Variants in MPDZ observed in about 807,000 individuals in gnomAD.
The protein encoded by MPDZ is multiple PDZ domain crumbs cell polarity complex component.
In MPDZ, 234 loss-of-function variants were observed where a neutral mutation model predicts 239.1. That is an observed-to-expected ratio of 0.98 (90% CI 0.88 to 1.09). The LOEUF is 1.09. MPDZ is among the 50% of genes least tolerant of loss of function. The pLI, the probability that MPDZ is intolerant of heterozygous loss-of-function variation, is 0.00. For synonymous variants in MPDZ, 1,048 were observed against 881.3 expected, an observed-to-expected ratio of 1.19 and a Z score of -3.35; for missense variants, 3,175 against 2,510.0, an observed-to-expected ratio of 1.26 and a Z score of -5.66.
At chr9:13,117,168 C>T (rs1335981261) in intron 39 of MPDZ, among the ~76,000 whole-genome samples, 1 of 152,132 alleles carries the variant, frequency 6.6e-6, no homozygotes, top group Non-Finnish European at 1.5e-5. Flanking sequence ...ATCTCTCTCT[C>T]CTTCTAAAAA....
In MPDZ at chr9:13,270,085, A is replaced by G. The variant is rs577378683; in HGVS notation, c.-58+9315T>C. On this transcript the variant is annotated intron_variant, in intron 1 of 46. Coordinates refer to ENST00000319217, the MANE Select transcript of MPDZ (RefSeq NM_001378778.1). ...CATTTTAAAAGGGCTTATTCTTTCA[A>G]TGAACGTGACTATTTGCTTCTTAAT... Among the ~76,000 whole-genome samples the G allele has an allele frequency of 3.3e-5, 5 of 152,320 alleles. No homozygotes were observed. In the South Asian group the frequency reaches 6.2e-4, roughly 19 times the overall value.
intron 3 of MPDZ, among the ~76,000 whole-genome samples, chr9:13,242,902 CGTAT>C (rs1357964165): frequency 1.3e-5 from 2 of 152,256 alleles, no homozygotes; most frequent in Non-Finnish European, 2.9e-5. Flanking sequence ...TAGCAGCTCC[CGTAT>C]CTTCCAGTCA....
At chr9:13,240,481 G>A (rs1405515189) in intron 3 of MPDZ, among the ~76,000 whole-genome samples, 4 of 147,562 alleles carry the variant, frequency 2.7e-5, no homozygotes, top group African/African-American at 9.9e-5. Context: ...TTTAGCTGAA[G>A]TGCATTTCTC....
intron 1 of MPDZ, among the ~76,000 whole-genome samples, chr9:13,258,412 G>T (rs901973192): frequency 6.6e-6 from 1 of 152,332 alleles, no homozygotes; most frequent in Admixed American, 6.5e-5. Context: ...ATGGCTTGCA[G>T]CTTGTCAGAG....
At chr9:13,232,345 G>C (rs185596905) in intron 3 of MPDZ, among the ~76,000 whole-genome samples, 8 of 152,026 alleles carry the variant, frequency 5.3e-5, no homozygotes, top group African/African-American at 1.9e-4. Context: ...TGTTTAATTG[G>C]AACACAACAT....
At chr9:13,124,636 C>T (rs1944856258) in intron 35 of MPDZ, among the ~76,000 whole-genome samples, 1 of 152,166 alleles carries the variant, frequency 6.6e-6, no homozygotes, top group Non-Finnish European at 1.5e-5. Flanking sequence ...CTATGGTTCA[C>T]GTAACCTAAA....
At position 13,121,951 on chromosome 9, in the gene MPDZ, C is replaced by G; in HGVS notation, c.5038-19G>C. On this transcript the variant is annotated intron_variant, in intron 37 of 46. Coordinates refer to ENST00000319217, the MANE Select transcript of MPDZ (RefSeq NM_001378778.1). ...CATTCACCTGTACAGAAATGGGACA[C>G]TGACTGTAAGGAACATGAGAAGTAA... 1.2e-6 allele frequency: 2 copies of G among 1,608,796 alleles called. No homozygotes were observed. The highest frequency in any genetic ancestry group is 1.7e-6 in the Non-Finnish European group (2 of 1,176,238).
intron 39 of MPDZ, among the ~76,000 whole-genome samples, chr9:13,116,546 GT>G (rs560428093): frequency 6.6e-6 from 1 of 151,960 alleles, no homozygotes; most frequent in African/African-American, 2.4e-5. Flanking sequence ...CCATAAGTTG[GT>G]TTTTTTATTT....
chr9:13,160,927 T>C (rs562674157), intron 23 of MPDZ, among the ~76,000 whole-genome samples: 49 of 140,454 alleles, frequency 3.5e-4, no homozygotes, highest in South Asian at 3.5e-3. Flanking sequence ...AATCTAGAGA[T>C]GATTTAAACT....
At chr9:13,213,950 T>C (rs139333692) in intron 10 of MPDZ, among the ~76,000 whole-genome samples, 16 of 152,214 alleles carry the variant, frequency 1.1e-4, no homozygotes, top group African/African-American at 3.6e-4. Context: ...TTGATTTTCC[T>C]GAATATCACA....
intron 31 of MPDZ, chr9:13,134,449 G>A (rs542519562): frequency 2.6e-5 from 4 of 152,190 alleles, no homozygotes; most frequent in African/African-American, 9.7e-5. Context: ...TTAGTGGAAC[G>A]TTAGGAGCAG....
In MPDZ at chr9:13,221,463, T is replaced by C. The variant is rs975442393; in HGVS notation, c.785A>G (p.Asn262Ser). The change falls in exon 7 of 47, where the codon AAT becomes AGT. Residue 262 changes from asparagine to serine, a missense_variant. Asn to Ser is a conservative substitution (Grantham distance 46). Coordinates refer to ENST00000319217, the MANE Select transcript of MPDZ (RefSeq NM_001378778.1). ...GCCAAATCCCAAACCAGATCCATCA[T>C]TCACCAATTCAATCGTTTCCATGTG... The part of the protein sequence containing the change: ...WQHMETIELV[N>S]DGSGLGFGII... 1.9e-6 allele frequency: 3 copies of C among 1,611,192 alleles called. No individual in the cohort carries two copies. The highest frequency in any genetic ancestry group is 1.7e-5 in the Admixed American group (1 of 59,790).
intron 27 of MPDZ, among the ~76,000 whole-genome samples, chr9:13,142,224 T>A (rs192613834): frequency 6.6e-6 from 1 of 152,232 alleles, no homozygotes; most frequent in Admixed American, 6.6e-5. Context: ...AGCTGTTATT[T>A]TAAGAACAAA....
At chr9:13,131,040 G>A (rs570246660) in intron 32 of MPDZ, among the ~76,000 whole-genome samples, 9 of 152,034 alleles carry the variant, frequency 5.9e-5, no homozygotes, top group Non-Finnish European at 1.0e-4. Context: ...ATAACATAAT[G>A]AACAAATGTT....
At chr9:13,249,815 C>T (rs1333297243) in intron 2 of MPDZ, among the ~76,000 whole-genome samples, 1 of 152,190 alleles carries the variant, frequency 6.6e-6, no homozygotes, top group African/African-American at 2.4e-5. Flanking sequence ...CTAGATATTT[C>T]AACCTAAATT....
In MPDZ at chr9:13,125,232, T is replaced by C. The variant is rs919987668; in HGVS notation, c.4791A>G (p.Glu1597=). 9 of 1,602,792 alleles carry C rather than the reference T, an allele frequency of 5.6e-6. No homozygotes were observed. The highest frequency in any genetic ancestry group is 6.8e-6 in the Non-Finnish European group (8 of 1,172,714). The change falls in exon 35 of 47, where the codon GAA becomes GAG. Residue 1597 remains glutamate, a synonymous_variant. Coordinates refer to ENST00000319217, the MANE Select transcript of MPDZ (RefSeq NM_001378778.1). ...AGGCCTTACTTCGGATGGACTCCGG[T>C]TCTGGGGAGCCAGACTGTGGGACCA... ...SLMVPQSGSP[E]PESIRNTSRS... is the part of the protein sequence containing the mutation.
chr9:13,136,375 G>A (rs12347014), intron 30 of MPDZ, among the ~76,000 whole-genome samples, 193 bp from the exon 31 acceptor site: 9 of 103,752 alleles, frequency 8.7e-5, no homozygotes, highest in Non-Finnish European at 1.4e-4. Context: ...TCTGTTGCCC[G>A]AGCTGGAGTG....
rs758539020 is a variant in MPDZ at position 13,125,207 on chromosome 9, A to G, written c.4807+9T>C. 137 of 1,580,676 alleles carry G rather than the reference A, an allele frequency of 8.7e-5. 2 individuals are homozygous for G. The South Asian group carries it at 1.5e-3, about 17-fold the overall frequency. ...ATGTGCAGGACTCTCATGAGTCCAG[A>G]GGCCTTACTTCGGATGGACTCCGGT... On this transcript the variant is annotated intron_variant, in intron 35 of 46. Transcript: ENST00000319217.
At chr9:13,108,149 G>C (rs1236042623) in intron 46 of MPDZ, among the ~76,000 whole-genome samples, 6 of 152,060 alleles carry the variant, frequency 3.9e-5, no homozygotes, top group Non-Finnish European at 8.8e-5. Flanking sequence ...AAACACGTTT[G>C]ACTAAGTTTT....
Sources: allele counts gnomAD v4.1 joint callset (sites outside exome capture counted in the v4.1 genomes callset), GRCh38; gene constraint gnomAD v4.1.1; transcripts MANE v1.5; gene names NCBI Gene and HGNC (gene_info 2026-07-23, HGNC 2026-07-21).